WWC1: variants seen among roughly 807,000 people sequenced by gnomAD.
The protein encoded by WWC1 is WW and C2 domain containing 1.
WWC1 carries 55 observed loss-of-function variants against 138.4 expected under a neutral mutation model. The ratio of observed to expected loss-of-function variants is 0.40; its 90% CI spans 0.32 to 0.50. The LOEUF (loss-of-function observed/expected upper bound fraction) is 0.50. Among genes scored for constraint, WWC1 ranks in the 20% least tolerant of loss-of-function variants. The pLI is 0.72. For synonymous variants in WWC1, 524 were observed against 564.9 expected (o/e 0.93, Z 1.03); for missense variants, 1,226 against 1,420.4 (o/e 0.86, Z 2.20).
At chr5:168,409,568 A>T (rs1441822343) in intron 7 of WWC1, among the ~76,000 whole-genome samples, 2 of 152,128 alleles carry the variant, frequency 1.3e-5, no homozygotes, top group African/African-American at 4.8e-5. Context: ...CCCTAGAATG[A>T]GTTTCTTGAT....
chr5:168,403,052 TTC>T (rs1345431698), intron 5 of WWC1, among the ~76,000 whole-genome samples: 2 of 134,460 alleles, frequency 1.5e-5, no homozygotes, highest in East Asian at 4.0e-4. Flanking sequence ...CTTTCTTTCT[TTC>T]TTTCTTTCTT....
intron 3 of WWC1, among the ~76,000 whole-genome samples, chr5:168,385,763 A>G (rs1200112880): frequency 6.6e-6 from 1 of 152,234 alleles, no homozygotes; most frequent in Non-Finnish European, 1.5e-5. Flanking sequence ...GGTGGATGGT[A>G]GTATGTTCAC....
intron 1 of WWC1, among the ~76,000 whole-genome samples, chr5:168,356,974 A>G (rs557478095): frequency 6.6e-6 from 1 of 152,234 alleles, no homozygotes; most frequent in South Asian, 2.1e-4. Flanking sequence ...GTCATCTGTA[A>G]AACAGGGAAA....
intron 9 of WWC1, among the ~76,000 whole-genome samples, chr5:168,419,220 C>G (rs1322047297): frequency 1.3e-5 from 2 of 152,176 alleles, no homozygotes; most frequent in African/African-American, 2.4e-5. Flanking sequence ...GTTTCACTCC[C>G]TAGTCCAGGG....
intron 19 of WWC1, 99 bp downstream of exon 19, chr5:168,455,619 C>A: frequency 6.8e-7 from 1 of 1,474,930 alleles, no homozygotes; most frequent in Non-Finnish European, 9.2e-7. Context: ...TATTGGGTGA[C>A]TTCGGGTATG....
chr5:168,291,856 T>TCGCTCTGCC lies in WWC1; in HGVS notation c.-294_-286dup, dbSNP rs1156712598. ...GACGGCGGCGGCGGCGGCGCTCGGC[T>TCGCTCTGCC]CGCTCTGCCCGGCCGGCTGGGCGCG... On this transcript the variant is annotated 5_prime_UTR_variant, in exon 1 of 23. Coordinates refer to ENST00000265293, the MANE Select transcript of WWC1 (RefSeq NM_015238.3). 1.3e-5 allele frequency: 2 copies of TCGCTCTGCC among 148,736 alleles called. No individual in the cohort carries two copies. The highest frequency in any genetic ancestry group is 4.9e-5 in the African/African-American group (2 of 40,850). 9.2% of individuals were successfully genotyped at this position (148,736 alleles called of 1,614,324 possible). A position where few individuals can be genotyped will look rare whatever the true frequency, so the allele number is the denominator to read the frequency against.
intron 5 of WWC1, among the ~76,000 whole-genome samples, chr5:168,403,887 C>G (rs919798001): frequency 6.6e-6 from 1 of 150,670 alleles, no homozygotes. Flanking sequence ...CACACACACA[C>G]ACACACACAC....
chr5:168,295,711 T>C (rs1046048316), intron 1 of WWC1, among the ~76,000 whole-genome samples: 4 of 152,116 alleles, frequency 2.6e-5, no homozygotes, highest in African/African-American at 9.7e-5. Context: ...CTGAGCTGTT[T>C]TGTGTGCTGG....
intron 5 of WWC1, among the ~76,000 whole-genome samples, chr5:168,402,528 T>C (rs914684074): frequency 2.6e-5 from 4 of 152,154 alleles, no homozygotes; most frequent in African/African-American, 7.2e-5. Context: ...CCTGCTTGTA[T>C]TGGGAAGGGA....
chr5:168,373,820 G>A (rs946593186), intron 2 of WWC1, among the ~76,000 whole-genome samples: 2 of 151,446 alleles, frequency 1.3e-5, no homozygotes, highest in African/African-American at 4.9e-5. Context: ...GCCGAGGTGG[G>A]CGGATCACGA....
At position 168,437,722 on chromosome 5, in the gene WWC1, C is replaced by T. The variant is rs781580487; in HGVS notation, c.2281-3960C>T. 4.6e-5 allele frequency among the ~76,000 whole-genome samples: 7 copies of T among 152,144 alleles called. No homozygotes were observed. The East Asian group carries it at 5.8e-4, about 13-fold the overall frequency. On this transcript the variant is annotated intron_variant, in intron 15 of 22. Coordinates refer to ENST00000265293, the MANE Select transcript of WWC1 (RefSeq NM_015238.3). ...TAGACAATACTCACACCTGTGAGCC[C>T]GCCCCAGATAAACAGTATATCTTGT...
rs141561264 is a variant in WWC1 at position 168,469,440 on chromosome 5, C to T, written c.*423C>T. On this transcript the variant is annotated 3_prime_UTR_variant, in exon 23 of 23. Transcript: ENST00000265293. The stretch of plus-strand genomic sequence containing the variant: ...CTGGGGGACGGTAATCCTAATAGGA[C>T]GTCCCGCACTTGTCACAGTACAGCT... 1.3e-4 allele frequency: 22 copies of T among 167,844 alleles called. No homozygotes were observed. In the East Asian group the frequency reaches 3.5e-3, roughly 26 times the overall value. 10.4% of individuals were successfully genotyped at this position (167,844 alleles called of 1,614,324 possible). A position where few individuals can be genotyped will look rare whatever the true frequency, so the allele number is the denominator to read the frequency against.
At chr5:168,460,250 T>C (rs1026694323) in intron 19 of WWC1, among the ~76,000 whole-genome samples, 50 of 152,200 alleles carry the variant, frequency 3.3e-4, no homozygotes, top group Non-Finnish European at 8.8e-5. Context: ...GAGGGCAGTA[T>C]ACTCTGAAGT....
intron 15 of WWC1, among the ~76,000 whole-genome samples, chr5:168,438,455 A>G (rs1001466295): frequency 3.3e-5 from 5 of 152,278 alleles, no homozygotes; most frequent in Admixed American, 6.5e-5. Context: ...CCCTTCTGCC[A>G]TGATTATAAG....
At chr5:168,304,093 A>G (rs1770330457) in intron 1 of WWC1, among the ~76,000 whole-genome samples, 1 of 152,224 alleles carries the variant, frequency 6.6e-6, no homozygotes, top group Non-Finnish European at 1.5e-5. Flanking sequence ...AGTAATAATC[A>G]CATTAGACAT....
At chr5:168,373,653 G>A (rs916729674) in intron 2 of WWC1, among the ~76,000 whole-genome samples, 10 of 148,498 alleles carry the variant, frequency 6.7e-5, no homozygotes, top group African/African-American at 2.5e-4. Flanking sequence ...GGAGGCTGAG[G>A]CAGGAAGATC....
intron 1 of WWC1, among the ~76,000 whole-genome samples, chr5:168,315,361 C>G (rs2152752551): frequency 6.6e-6 from 1 of 152,044 alleles, no homozygotes; most frequent in South Asian, 2.1e-4. Flanking sequence ...CCAGATGATT[C>G]TAATACACCT....
At chr5:168,451,274 G>A (rs762856170) in intron 17 of WWC1, among the ~76,000 whole-genome samples, 45 of 152,030 alleles carry the variant, frequency 3.0e-4, no homozygotes, top group Non-Finnish European at 5.7e-4. Flanking sequence ...CACCCACCTC[G>A]GCCTCCCAAA....
intron 1 of WWC1, among the ~76,000 whole-genome samples, chr5:168,350,933 G>C (rs955465333): frequency 6.6e-6 from 1 of 152,092 alleles, no homozygotes; most frequent in African/African-American, 2.4e-5. Flanking sequence ...ATCATTTGAG[G>C]TCAGGAGTTC....
Sources: allele counts gnomAD v4.1 joint callset (sites outside exome capture counted in the v4.1 genomes callset), GRCh38; gene constraint gnomAD v4.1.1; transcripts MANE v1.5; gene names NCBI Gene and HGNC (gene_info 2026-07-23, HGNC 2026-07-21).